Variants in MSH6 observed in about 807,000 individuals in gnomAD.
The protein encoded by MSH6 is mutS homolog 6.
A neutral mutation model predicts 119.1 loss-of-function variants in MSH6; 85 were observed. The observed-to-expected ratio is 0.71, with a 90% CI of 0.60 to 0.85. The LOEUF (loss-of-function observed/expected upper bound fraction) is 0.85. Ranked by LOEUF, MSH6 falls within the 40% of genes least tolerant of loss-of-function variation. The probability of loss-of-function intolerance (pLI) is 0.00; values close to 1 mark genes in which losing one functional copy is unlikely to be tolerated. For synonymous variants in MSH6, 830 were observed against 586.9 expected (o/e 1.41, Z -5.99); for missense variants, 2,163 against 1,655.3 (o/e 1.31, Z -5.32).
chr2:47,806,574 C>T lies in MSH6; in HGVS notation c.3924C>T (p.Leu1308=), dbSNP rs769973928. ...TTAATGCAGCAAGGCTTGCTAATCTCCCAGAGGAAGTTATTCAAAAGGGAC... is the reference window on the plus strand; with the variant it reads ...TTAATGCAGCAAGGCTTGCTAATCTTCCAGAGGAAGTTATTCAAAAGGGAC... ...YGFNAARLAN[L]PEEVIQKGHR... The change falls in exon 9 of 10, where the codon CTC becomes CTT. Residue 1308 remains leucine (L), a synonymous_variant. Coordinates refer to ENST00000234420, the MANE Select transcript of MSH6 (RefSeq NM_000179.3). 3.1e-6 allele frequency: 5 copies of T among 1,613,492 alleles called. No homozygotes were observed. In the Admixed American group the frequency reaches 5.0e-5, roughly 16 times the overall value.
Position 47,799,484 on chromosome 2 carries a change from C to G in MSH6, c.1501C>G (p.His501Asp), listed in dbSNP as rs779411998. Residue 501 changes from histidine (H) to aspartate (D), a missense_variant, in exon 4 of 10, where the codon CAT becomes GAT. By Grantham distance (81) the His-to-Asp change is moderately conservative (BLOSUM62 -1). Coordinates refer to ENST00000234420, the MANE Select transcript of MSH6 (RefSeq NM_000179.3). ...MMEARCRKMA[H>D]ISKYDRVVRR... ...GGAGGCACGATGTAGAAAGATGGCA[C>G]ATATATCCAAGTATGATAGAGTGGT... 6.2e-7 allele frequency: 1 copy of G among 1,614,144 alleles called. No homozygotes were observed. Among genetic ancestry groups the G allele is most frequent in the Non-Finnish European group, 8.5e-7 (1 of 1,180,032 alleles).
intron 1 of MSH6, chr2:47,784,654 G>A (rs1668238066): frequency 6.6e-6 from 1 of 152,154 alleles, no homozygotes; most frequent in African/African-American, 2.4e-5. Flanking sequence ...TAGAGACGGG[G>A]TTTCTCCATG....
chr2:47,805,170 A>G (rs541574802), intron 6 of MSH6, 143 bp downstream of exon 6: 21 of 665,994 alleles, frequency 3.2e-5, no homozygotes, highest in Non-Finnish European at 3.9e-5. Flanking sequence ...TAAGAACTGC[A>G]TAGTCTCTCT....
chr2:47,801,698 A>G (rs1669608336), intron 4 of MSH6, among the ~76,000 whole-genome samples: 1 of 151,510 alleles, frequency 6.6e-6, no homozygotes, highest in East Asian at 1.9e-4. Flanking sequence ...ATCGAACAAA[A>G]GGTTTTTGTT....
Position 47,784,209 on chromosome 2 carries a change from C to A in MSH6, c.260+716C>A, listed in dbSNP as rs913813140. On this transcript the variant is annotated intron_variant, in intron 1 of 9. Transcript: ENST00000234420. ...TGGGCGGGGCGGGGCCGTGGGGAGCCGAAGTGCTGGGATCCGGCTGGGTCC... is the reference window on the plus strand; with the variant it reads ...TGGGCGGGGCGGGGCCGTGGGGAGCAGAAGTGCTGGGATCCGGCTGGGTCC... 2.5e-5 allele frequency: 25 copies of A among 1,004,094 alleles called. No individual in the cohort carries two copies. In the East Asian group the frequency reaches 1.6e-3, roughly 64 times the overall value. 62.2% of individuals were successfully genotyped at this position (1,004,094 alleles called of 1,614,324 possible).
downstream of MSH6, chr2:47,809,768 A>C: frequency 9.3e-7 from 1 of 1,077,532 alleles, no homozygotes; most frequent in South Asian, 1.3e-5. Context: ...AAAAACCTGA[A>C]ATTAGCAAGC....
chr2:47,805,599 T>G lies in MSH6; in HGVS notation c.3557-19T>G, dbSNP rs1553332569. ...GATTTGCAAAATGAGTATTCATTTG[T>G]GATTTTTTTTTTTTTAAGGTGAAAG... On this transcript the variant is annotated intron_variant, in intron 6 of 9. Coordinates refer to ENST00000234420, the MANE Select transcript of MSH6 (RefSeq NM_000179.3). 1 of 1,475,310 alleles carries G rather than the reference T, an allele frequency of 6.8e-7. No homozygotes were observed. Among genetic ancestry groups the G allele is most frequent in the Admixed American group, 1.7e-5 (1 of 59,392 alleles). The allele number at this position is 1,475,310 out of a possible 1,614,324, so 91.4% of individuals were successfully genotyped here.
chr2:47,798,879 A>G lies in MSH6; in HGVS notation c.896A>G (p.Lys299Arg), dbSNP rs1669267784. ...GLNSPVKVAR[K>R]RKRMVTGNGS... ...AACAGCCCTGTCAAAGTTGCTCGAAAGCGGAAGAGAATGGTGACTGGAAAT... is the reference window on the plus strand; with the variant it reads ...AACAGCCCTGTCAAAGTTGCTCGAAGGCGGAAGAGAATGGTGACTGGAAAT... Residue 299 changes from lysine to arginine, a missense_variant, in exon 4 of 10, where the codon AAG becomes AGG. Transcript: ENST00000234420. 8.7e-6 allele frequency: 14 copies of G among 1,614,082 alleles called. No individual in the cohort carries two copies. Among genetic ancestry groups the G allele is most frequent in the Non-Finnish European group, 1.2e-5 (14 of 1,180,042 alleles).
rs754980921 is a variant in MSH6, at chr2:47,806,735, T to C, written c.4002-44T>C. 2.2e-5 allele frequency: 34 copies of C among 1,554,166 alleles called. No homozygotes were observed. The highest frequency in any genetic ancestry group is 2.7e-5 in the Non-Finnish European group (31 of 1,147,166). On this transcript the variant is annotated intron_variant, in intron 9 of 9. Coordinates refer to ENST00000234420, the MANE Select transcript of MSH6 (RefSeq NM_000179.3). ...TAAAAGGGGAAGGGATGATGCACTA[T>C]GAAAAAACAAAAAAACTTTTTTTTT... is the stretch of plus-strand genomic sequence containing the variant.
intron 4 of MSH6, among the ~76,000 whole-genome samples, chr2:47,801,600 C>T (rs1669601887): frequency 1.3e-5 from 2 of 152,008 alleles, no homozygotes; most frequent in Admixed American, 1.3e-4. Flanking sequence ...AACTCCTGGG[C>T]TCAAGTGATC....
At chr2:47,792,307 A>G (rs1246997810) in intron 2 of MSH6, among the ~76,000 whole-genome samples, 3 of 152,118 alleles carry the variant, frequency 2.0e-5, no homozygotes, top group Non-Finnish European at 2.9e-5. Context: ...AACAAGGGTC[A>G]GTTTCCCAGG....
chr2:47,785,912 A>T (rs1668321606), intron 1 of MSH6, among the ~76,000 whole-genome samples: 1 of 152,200 alleles, frequency 6.6e-6, no homozygotes, highest in South Asian at 2.1e-4. Context: ...CGTTATGGAG[A>T]GGATTCCAGG....
rs2104360485 is a variant in MSH6 at position 47,799,667 on chromosome 2, G to A, written c.1684G>A (p.Asp562Asn). 6.2e-7 allele frequency: 1 copy of A among 1,614,160 alleles called. No homozygotes were observed. ...TCGTGCATATGGTGTGTGCTTTGTT[G>A]ATACTTCACTGGGAAAGTTTTTCAT... Reference protein sequence around the residue: ...HTRAYGVCFVDTSLGKFFIGQ... With the variant: ...HTRAYGVCFVNTSLGKFFIGQ... Residue 562 changes from aspartate to asparagine, a missense_variant, in exon 4 of 10, where the codon GAT becomes AAT. By Grantham distance (23) the Asp-to-Asn change is conservative. Transcript: ENST00000234420.
At chr2:47,801,511 AT>A (rs1323445970) in intron 4 of MSH6, among the ~76,000 whole-genome samples, 2 of 151,130 alleles carry the variant, frequency 1.3e-5, no homozygotes, top group East Asian at 1.9e-4. Context: ...GAGATTACAG[AT>A]ATGCACCACC....
At chr2:47,805,789 G>T in intron 7 of MSH6, 82 bp downstream of exon 7, 2 of 1,103,610 alleles carry the variant, frequency 1.8e-6, no homozygotes, top group Non-Finnish European at 2.8e-6. Flanking sequence ...AAGATTATCT[G>T]AAGTACATTT....
At chr2:47,788,917 T>TTTTG in intron 1 of MSH6, among the ~76,000 whole-genome samples, 1 of 57,880 alleles carries the variant, frequency 1.7e-5, no homozygotes, top group Non-Finnish European at 3.7e-5. Context: ...CTTTTTTTTT[T>TTTTG]TTTTGTTTTT....
rs762115705 is a variant in MSH6 at position 47,806,588 on chromosome 2, T to C, written c.3938T>C (p.Ile1313Thr). Residue 1313 changes from isoleucine (I) to threonine (T), a missense_variant, in exon 9 of 10, where the codon ATT (isoleucine) becomes ACT (threonine). Coordinates refer to ENST00000234420, the MANE Select transcript of MSH6 (RefSeq NM_000179.3). ...CTTGCTAATCTCCCAGAGGAAGTTA[T>C]TCAAAAGGGACATAGAAAAGCAAGA... ...ARLANLPEEV[I>T]QKGHRKAREF... The C allele has an allele frequency of 4.3e-6, 7 of 1,613,590 alleles. No individual in the cohort carries two copies. The highest frequency in any genetic ancestry group is 5.9e-6 in the Non-Finnish European group (7 of 1,179,850).
intron 2 of MSH6, among the ~76,000 whole-genome samples, chr2:47,795,488 C>T (rs1669025788): frequency 7.3e-6 from 1 of 136,058 alleles, no homozygotes; most frequent in African/African-American, 2.8e-5. Flanking sequence ...TTCATCGAGA[C>T]AGGGTCTTGC....
At chr2:47,802,894 T>C (rs1376728486) in intron 4 of MSH6, among the ~76,000 whole-genome samples, 2 of 152,174 alleles carry the variant, frequency 1.3e-5, no homozygotes, top group Admixed American at 6.5e-5. Context: ...AAGTGTAGCA[T>C]GTTTCTGCTG....
Sources: allele counts gnomAD v4.1 joint callset (sites outside exome capture counted in the v4.1 genomes callset), GRCh38; gene constraint gnomAD v4.1.1; transcripts MANE v1.5; gene names NCBI Gene and HGNC (gene_info 2026-07-23, HGNC 2026-07-21).